Variants in KCNQ5 observed in about 807,000 individuals in gnomAD.
KCNQ5 encodes potassium voltage-gated channel subfamily Q member 5.
Under a neutral mutation model 98.2 loss-of-function variants are expected in KCNQ5, and 30 were observed. That is an observed-to-expected ratio of 0.31 (90% CI 0.23 to 0.41). The LOEUF (loss-of-function observed/expected upper bound fraction) is 0.41, where lower values mean the gene tolerates loss of function less well. Among genes scored for constraint, KCNQ5 ranks in the 10% least tolerant of loss-of-function variants. The pLI is 1.00. For synonymous variants in KCNQ5, 458 were observed against 449.4 expected (o/e 1.02, Z -0.24); for missense variants, 835 against 1,182.5 (o/e 0.71, Z 4.31).
intron 10 of KCNQ5, 66 bp from the exon 11 acceptor site, chr6:73,169,680 A>C: frequency 8.4e-7 from 1 of 1,185,504 alleles, no homozygotes; most frequent in Non-Finnish European, 1.3e-6. Context: ...CCACGTGAGA[A>C]AAATTCAGCA....
chr6:72,930,701 C>T (rs1364488677), intron 1 of KCNQ5, among the ~76,000 whole-genome samples: 1 of 151,814 alleles, frequency 6.6e-6, no homozygotes, highest in Non-Finnish European at 1.5e-5. Flanking sequence ...GCATATGTTG[C>T]TTACATTAAT....
chr6:72,658,579 T>TATATATATATATA (rs34408725), intron 1 of KCNQ5, among the ~76,000 whole-genome samples: 4 of 69,626 alleles, frequency 5.7e-5, no homozygotes, highest in African/African-American at 1.3e-4. Context: ...TATATATATA[T>TATATATATATATA]TTTTTTTTTT....
At chr6:73,167,983 CA>C (rs1159539835) in intron 10 of KCNQ5, among the ~76,000 whole-genome samples, 1 of 152,014 alleles carries the variant, frequency 6.6e-6, no homozygotes, top group Non-Finnish European at 1.5e-5. Context: ...AGACAAATTT[CA>C]AAAAATAACA....
In KCNQ5 at chr6:72,622,273, CG is replaced by C. The variant is rs1187050062; in HGVS notation, c.90del (p.Arg31AlafsTer6). ...GCGGCGCAGCGGCGGCGGCGGCGGG[CG>C]GGGGGCGCTTGGGCAGCGGCATGAA... ...KSGAAAAAAG[G>X]GRLGSGMKDV... On this transcript the variant is annotated frameshift_variant, in exon 1 of 14. Coordinates refer to ENST00000370398, the MANE Select transcript of KCNQ5 (RefSeq NM_019842.4). LOFTEE classifies it high-confidence loss of function. This position sits in a 1 kb window ranked among gnomAD's most constrained non-coding sequence, Gnocchi z 6.0. The C allele has an allele frequency of 3.1e-6, 4 of 1,275,972 alleles. No homozygotes were observed. Among genetic ancestry groups the C allele is most frequent in the African/African-American group, 3.1e-5 (2 of 65,128 alleles). The allele number at this position is 1,275,972 out of a possible 1,614,324, so 79.0% of individuals were successfully genotyped here.
chr6:72,648,350 A>G (rs778302213), intron 1 of KCNQ5, among the ~76,000 whole-genome samples: 1 of 152,212 alleles, frequency 6.6e-6, no homozygotes, highest in Non-Finnish European at 1.5e-5. Flanking sequence ...GAAAATGTCC[A>G]TAAGGATAAT....
Position 73,153,021 on chromosome 6 carries a change from A to G in KCNQ5, c.1469-16725A>G, listed in dbSNP as rs9351977. ...GGTGAACTCTCATCTAAAGATTTCTATCTTCTGCTGGAATAGGAGAGGACC... is the reference window on the plus strand; with the variant it reads ...GGTGAACTCTCATCTAAAGATTTCTGTCTTCTGCTGGAATAGGAGAGGACC... On this transcript the variant is annotated intron_variant, in intron 10 of 13. Transcript: ENST00000370398. 9.7e-3 allele frequency among the ~76,000 whole-genome samples: 1,478 copies of G among 152,276 alleles called. 57 individuals are homozygous for G. The East Asian group carries it at 0.14, about 14-fold the overall frequency.
At chr6:72,792,077 A>G (rs1774081265) in intron 1 of KCNQ5, among the ~76,000 whole-genome samples, 1 of 152,230 alleles carries the variant, frequency 6.6e-6, no homozygotes, top group South Asian at 2.1e-4. Flanking sequence ...TGAGTGTAAA[A>G]TCTTGATTTG....
chr6:73,192,753 AG>A (rs1370900175), intron 13 of KCNQ5, 62 bp downstream of exon 13: 1 of 1,373,968 alleles, frequency 7.3e-7, no homozygotes, highest in African/African-American at 1.5e-5. Context: ...AATTTATTAT[AG>A]GCAATTGTAT....
intron 1 of KCNQ5, among the ~76,000 whole-genome samples, chr6:72,637,091 A>G (rs2098924580): frequency 6.6e-6 from 1 of 152,204 alleles, no homozygotes; most frequent in Admixed American, 6.5e-5. Context: ...AACTAGTTAA[A>G]CTAAATGTTC....
At chr6:72,646,295 A>G (rs961965977) in intron 1 of KCNQ5, among the ~76,000 whole-genome samples, 2 of 151,370 alleles carry the variant, frequency 1.3e-5, no homozygotes, top group African/African-American at 2.5e-5. Flanking sequence ...ATACATCTTC[A>G]TTTGATAAAA....
chr6:73,194,611 C>T lies in KCNQ5; in HGVS notation c.1996C>T (p.Leu666Phe). 6.2e-7 allele frequency: 1 copy of T among 1,614,234 alleles called. No homozygotes were observed. Residue 666 changes from leucine to phenylalanine, a missense_variant, in exon 14 of 14, where the codon CTT becomes TTT. Transcript: ENST00000370398. ...TCAAAGCCCTGTGGATAGCAAAGAT[C>T]TTTCGGGTTCCGCACAAAACAGTGG... ...DYQSPVDSKD[L>F]SGSAQNSGCL...
chr6:72,895,636 T>C (rs1243232896), intron 1 of KCNQ5, among the ~76,000 whole-genome samples: 1 of 149,886 alleles, frequency 6.7e-6, no homozygotes, highest in Non-Finnish European at 1.5e-5. Context: ...CTGAGGAATA[T>C]GTATAATATA....
At chr6:72,878,945 G>A (rs984777347) in intron 1 of KCNQ5, among the ~76,000 whole-genome samples, 5 of 151,976 alleles carry the variant, frequency 3.3e-5, no homozygotes, top group African/African-American at 9.7e-5. Context: ...CTCAGCTGCC[G>A]CTGAGTCTTT....
chr6:72,910,341 T>A (rs909257748), intron 1 of KCNQ5, among the ~76,000 whole-genome samples: 1 of 152,184 alleles, frequency 6.6e-6, no homozygotes, highest in Non-Finnish European at 1.5e-5. Flanking sequence ...TGATACAGTT[T>A]ACATTTGTTC....
At chr6:73,093,468 G>A (rs1197678303) in intron 5 of KCNQ5, among the ~76,000 whole-genome samples, 2 of 151,958 alleles carry the variant, frequency 1.3e-5, no homozygotes, top group Admixed American at 6.6e-5. Context: ...GTTTGTTCTT[G>A]CTTCTCTAGT....
chr6:72,843,279 G>T (rs1371341315), intron 1 of KCNQ5, among the ~76,000 whole-genome samples: 1 of 152,150 alleles, frequency 6.6e-6, no homozygotes, highest in Non-Finnish European at 1.5e-5. Flanking sequence ...GTTTGTCAAA[G>T]ATCAGATGAT....
chr6:72,952,234 C>G (rs776945186), intron 1 of KCNQ5, among the ~76,000 whole-genome samples: 2 of 152,210 alleles, frequency 1.3e-5, no homozygotes, highest in East Asian at 3.8e-4. Flanking sequence ...CACACTTGTG[C>G]ATGTACACAG....
chr6:72,802,185 T>C (rs973110729), intron 1 of KCNQ5, among the ~76,000 whole-genome samples: 12 of 151,418 alleles, frequency 7.9e-5, no homozygotes, highest in African/African-American at 2.5e-4. Flanking sequence ...CCTTGCTAGA[T>C]TGGGGAAGTT....
In KCNQ5 at chr6:72,622,599, C is replaced by A; in HGVS notation, c.398+12C>A. The A allele has an allele frequency of 1.9e-6, 3 of 1,611,804 alleles. No individual in the cohort carries two copies. The highest frequency in any genetic ancestry group is 2.5e-6 in the Non-Finnish European group (3 of 1,179,200). On this transcript the variant is annotated intron_variant, in intron 1 of 13. Transcript: ENST00000370398. This position sits in a 1 kb window ranked among gnomAD's most constrained non-coding sequence, Gnocchi z 6.0. The stretch of plus-strand genomic sequence containing the variant: ...TACCACGCTTTCGTGTGAGTACCCG[C>A]GCCCCCTGCTATGCCCGCTGCAGGG...
Sources: gnomAD v4.1 joint callset for allele counts (sites outside exome capture counted in the v4.1 genomes callset) on GRCh38, gnomAD v4.1.1 for gene constraint, Gnocchi (gnomAD v3.1) non-coding constraint, MANE v1.5 for transcripts, NCBI Gene and HGNC (gene_info 2026-07-23, HGNC 2026-07-21) for gene names.